Variants in HDAC9 observed in about 807,000 individuals in gnomAD.
HDAC9 encodes MEF-2 interacting transcription repressor (MITR) protein.
In HDAC9, 41 loss-of-function variants were observed where a neutral mutation model predicts 139.4. That is an observed-to-expected ratio of 0.29 (90% CI 0.23 to 0.38). HDAC9 has a LOEUF of 0.38. Ranked by LOEUF, HDAC9 falls within the 10% of genes least tolerant of loss-of-function variation. The probability of loss-of-function intolerance (pLI) is 1.00; values close to 1 mark genes in which losing one functional copy is unlikely to be tolerated. For missense variants in HDAC9, 1,147 were observed against 1,297.0 expected, an observed-to-expected ratio of 0.88 and a Z score of 1.78; for synonymous variants, 517 against 476.2, an observed-to-expected ratio of 1.09 and a Z score of -1.12.
intron 2 of HDAC9, among the ~76,000 whole-genome samples, chr7:18,183,323 T>TA (rs1409965080): frequency 6.6e-6 from 1 of 152,132 alleles, no homozygotes; most frequent in Non-Finnish European, 1.5e-5. Context: ...TTTGTTTTTT[T>TA]AAAAAAAGCC....
chr7:18,645,899 T>C (rs1476863149), intron 9 of HDAC9, among the ~76,000 whole-genome samples: 1 of 152,172 alleles, frequency 6.6e-6, no homozygotes, highest in Admixed American at 6.6e-5. Flanking sequence ...GTATTGTCAA[T>C]AGACTATAAT....
intron 2 of HDAC9, among the ~76,000 whole-genome samples, chr7:18,242,659 A>G (rs965952718): frequency 2.0e-5 from 3 of 152,142 alleles, no homozygotes; most frequent in Non-Finnish European, 4.4e-5. Context: ...TCAAAGTAAA[A>G]TTCTACTTAA....
At chr7:18,882,959 C>T (rs925462000) in intron 22 of HDAC9, among the ~76,000 whole-genome samples, 2 of 152,026 alleles carry the variant, frequency 1.3e-5, no homozygotes, top group African/African-American at 2.4e-5. Flanking sequence ...AATTAAAAGC[C>T]AGTTTAGCAA....
rs1237648621 is a variant in HDAC9 at position 18,444,444 on chromosome 7, G to T, written c.-41-51818G>T. Among the ~76,000 whole-genome samples, 6 of 150,340 alleles carry T rather than the reference G, an allele frequency of 4.0e-5. No homozygotes were observed. In the South Asian group the frequency reaches 8.4e-4, roughly 21 times the overall value. ...TCAGTTTGTATTTTCTACACACTCA[G>T]TTACATATCTTGTAAATAAAAGGGG... On this transcript the variant is annotated intron_variant, in intron 1 of 3. Transcript: ENST00000413509.
chr7:18,451,370 T>TGC (rs1188095525), intron 1 of HDAC9, among the ~76,000 whole-genome samples: 5 of 113,142 alleles, frequency 4.4e-5, no homozygotes, highest in East Asian at 4.7e-4. Flanking sequence ...TATATGTGCG[T>TGC]GTGTGTGTGT....
At chr7:18,473,357 G>C (rs1563023091) in intron 1 of HDAC9, among the ~76,000 whole-genome samples, 1 of 152,140 alleles carries the variant, frequency 6.6e-6, no homozygotes, top group African/African-American at 2.4e-5. Flanking sequence ...ACTTGTTTTC[G>C]ATTCTTTCTT....
At chr7:18,281,832 G>A (rs541296297) in intron 2 of HDAC9, among the ~76,000 whole-genome samples, 7 of 152,130 alleles carry the variant, frequency 4.6e-5, no homozygotes, top group Admixed American at 2.0e-4. Flanking sequence ...CTTTTTCTCC[G>A]TATTGAATAT....
At chr7:18,673,003 C>G (rs969787009) in intron 12 of HDAC9, among the ~76,000 whole-genome samples, 2 of 151,956 alleles carry the variant, frequency 1.3e-5, no homozygotes, top group African/African-American at 2.4e-5. Context: ...ATGTTACAAT[C>G]TTGATGTTTA....
chr7:18,930,131 A>C (rs1415921562), intron 22 of HDAC9, among the ~76,000 whole-genome samples: 1 of 152,082 alleles, frequency 6.6e-6, no homozygotes, highest in Non-Finnish European at 1.5e-5. Flanking sequence ...CTCTGCACTC[A>C]ATTAGGAAAC....
At chr7:18,259,762 A>G (rs1057197087) in intron 2 of HDAC9, among the ~76,000 whole-genome samples, 3 of 152,170 alleles carry the variant, frequency 2.0e-5, no homozygotes, top group Non-Finnish European at 4.4e-5. Flanking sequence ...AAAGAATTTA[A>G]TATTTACCCT....
At chr7:18,452,889 A>G (rs1035229501) in intron 1 of HDAC9, among the ~76,000 whole-genome samples, 1 of 152,200 alleles carries the variant, frequency 6.6e-6, no homozygotes, top group Non-Finnish European at 1.5e-5. Flanking sequence ...AGTTTCGGGT[A>G]TATCTTTATT....
At chr7:18,164,312 A>AT in intron 2 of HDAC9, among the ~76,000 whole-genome samples, 1 of 152,242 alleles carries the variant, frequency 6.6e-6, no homozygotes, top group East Asian at 1.9e-4. Context: ...ATAAAAAAAA[A>AT]TTTTCTCCTG....
intron 1 of HDAC9, among the ~76,000 whole-genome samples, chr7:18,331,000 A>G (rs1480017967): frequency 6.6e-6 from 1 of 151,690 alleles, no homozygotes; most frequent in Non-Finnish European, 1.5e-5. Context: ...ACATGAATAC[A>G]ATTTGAGTTG....
At chr7:18,758,534 T>A (rs1789085365) in intron 14 of HDAC9, among the ~76,000 whole-genome samples, 1 of 152,154 alleles carries the variant, frequency 6.6e-6, no homozygotes, top group Non-Finnish European at 1.5e-5. Context: ...AAATTACTGA[T>A]GGCAATACCA....
At chr7:18,756,142 C>T (rs1788858942) in intron 14 of HDAC9, among the ~76,000 whole-genome samples, 1 of 152,088 alleles carries the variant, frequency 6.6e-6, no homozygotes, top group African/African-American at 2.4e-5. Context: ...TTTTAAACTT[C>T]CCCAGCTGAT....
At chr7:18,843,126 A>C (rs1796692253) in intron 21 of HDAC9, among the ~76,000 whole-genome samples, 1 of 152,148 alleles carries the variant, frequency 6.6e-6, no homozygotes, top group Non-Finnish European at 1.5e-5. Context: ...ACAATTTTCC[A>C]AATAATGGGG....
chr7:18,429,999 T>G (rs1412896492), intron 1 of HDAC9, among the ~76,000 whole-genome samples: 1 of 152,196 alleles, frequency 6.6e-6, no homozygotes, highest in Non-Finnish European at 1.5e-5. Flanking sequence ...ATTTCATACA[T>G]TAGGTATTTA....
chr7:18,618,589 G>A (rs73309471), intron 6 of HDAC9, among the ~76,000 whole-genome samples: 4,258 of 151,736 alleles, frequency 0.028, 213 homozygotes, highest in African/African-American at 0.098. Flanking sequence ...ACTCTCTCAC[G>A]CAGTCAGTTC....
intron 23 of HDAC9, among the ~76,000 whole-genome samples, chr7:18,938,067 A>G (rs1781766809): frequency 6.6e-6 from 1 of 152,096 alleles, no homozygotes; most frequent in Non-Finnish European, 1.5e-5. Context: ...CTGCCATTCT[A>G]TGACCTTTTG....
Sources: allele counts gnomAD v4.1 joint callset (sites outside exome capture counted in the v4.1 genomes callset), GRCh38; gene constraint gnomAD v4.1.1; transcripts MANE v1.5; gene names NCBI Gene and HGNC (gene_info 2026-07-23, HGNC 2026-07-21).